The following MRPL22 variants were observed in gnomAD, a reference collection of about 807,000 sequenced individuals.
MRPL22 encodes the protein mitochondrial ribosomal protein L22.
In MRPL22, 27 loss-of-function variants were observed where a neutral mutation model predicts 32.4. The observed-to-expected ratio is 0.83, with a 90% CI of 0.61 to 1.15. The LOEUF (loss-of-function observed/expected upper bound fraction) is 1.15. MRPL22 is among the 50% of genes most tolerant of loss of function. MRPL22 has a pLI of 0.00. For synonymous variants in MRPL22, 86 were observed against 87.3 expected, an observed-to-expected ratio of 0.99 and a Z score of 0.08; for missense variants, 239 against 260.2, an observed-to-expected ratio of 0.92 and a Z score of 0.56.
chr5:154,945,386 G>T (rs1764476002), intron 2 of MRPL22, among the ~76,000 whole-genome samples: 1 of 152,190 alleles, frequency 6.6e-6, no homozygotes. Flanking sequence ...CAGAGGAGCA[G>T]GTTTGGGGAG....
At chr5:154,942,101 A>G (rs577810110) in intron 2 of MRPL22, among the ~76,000 whole-genome samples, 2 of 152,098 alleles carry the variant, frequency 1.3e-5, no homozygotes, top group Non-Finnish European at 2.9e-5. Context: ...GATTTAAAAA[A>G]TTTTTTAATT....
At chr5:154,957,065 T>C in intron 4 of MRPL22, 70 bp from the exon 5 acceptor site, 1 of 1,402,380 alleles carries the variant, frequency 7.1e-7, no homozygotes, top group Admixed American at 1.9e-5. Context: ...ATGTAAGACT[T>C]TCATTGAAAA....
intron 3 of MRPL22, 78 bp from the exon 4 acceptor site, chr5:154,956,293 A>ATT: frequency 1.1e-6 from 1 of 943,460 alleles, no homozygotes; most frequent in Middle Eastern, 2.2e-4. Flanking sequence ...AAAAACTTAA[A>ATT]TAACAGTATA....
intron 2 of MRPL22, among the ~76,000 whole-genome samples, chr5:154,948,209 CT>C (rs1561738531): frequency 1.3e-5 from 2 of 152,074 alleles, no homozygotes; most frequent in African/African-American, 4.8e-5. Context: ...ATAACCTGTA[CT>C]CTCCCTCATC....
intron 6 of MRPL22, among the ~76,000 whole-genome samples, chr5:154,960,316 G>T (rs376877921): frequency 3.3e-5 from 5 of 152,158 alleles, no homozygotes; most frequent in Admixed American, 2.6e-4. Context: ...CCAAGACTGG[G>T]GTACATAGAG....
rs542714033 is a variant in MRPL22, at chr5:154,968,174, G to C, written c.*1277G>C. 6.6e-6 allele frequency: 1 copy of C among 152,328 alleles called. No individual in the cohort carries two copies. Among genetic ancestry groups the C allele is most frequent in the African/African-American group, 2.4e-5 (1 of 41,568 alleles). 9.4% of individuals were successfully genotyped at this position (152,328 alleles called of 1,614,324 possible). ...CACAGCATGTAAATATTGGGGCTATGATTGAAAGGTTTCTAAAGTAGCTGG... is the reference window on the plus strand; with the variant it reads ...CACAGCATGTAAATATTGGGGCTATCATTGAAAGGTTTCTAAAGTAGCTGG... On this transcript the variant is annotated 3_prime_UTR_variant, in exon 7 of 7. Coordinates refer to ENST00000523037, the MANE Select transcript of MRPL22 (RefSeq NM_014180.4).
chr5:154,952,430 T>G (rs1764576027), intron 3 of MRPL22, among the ~76,000 whole-genome samples: 2 of 152,212 alleles, frequency 1.3e-5, no homozygotes, highest in Non-Finnish European at 2.9e-5. Flanking sequence ...CTATTTTGAT[T>G]AACTTTTTTG....
In MRPL22 at chr5:154,950,874, A is replaced by G; in HGVS notation, c.131A>G (p.Lys44Arg). ...HTSASLDISR[K>R]WEKKNKIVYP... ...AGTGCTTCTCTTGACATTTCTCGAAAATGGGAGAAGAAGAATAAAATTGTT... is the reference window on the plus strand; with the variant it reads ...AGTGCTTCTCTTGACATTTCTCGAAGATGGGAGAAGAAGAATAAAATTGTT... The change falls in exon 3 of 7, where the codon AAA becomes AGA. Residue 44 changes from lysine to arginine, a missense_variant. Coordinates refer to ENST00000523037, the MANE Select transcript of MRPL22 (RefSeq NM_014180.4). 6.2e-7 allele frequency: 1 copy of G among 1,613,910 alleles called. No individual in the cohort carries two copies. Among genetic ancestry groups the G allele is most frequent in the Non-Finnish European group, 8.5e-7 (1 of 1,179,816 alleles).
At chr5:154,962,515 A>G (rs1001341916) in intron 6 of MRPL22, among the ~76,000 whole-genome samples, 3 of 152,194 alleles carry the variant, frequency 2.0e-5, no homozygotes, top group East Asian at 1.9e-4. Flanking sequence ...TGGTTCAGCA[A>G]TGGTTCTTTC....
Position 154,956,396 on chromosome 5 carries a change from T to C in MRPL22, c.221T>C (p.Ile74Thr). ...GAAATCTACCACTGTCGAAGACAAA[T>C]AAAATATAGCAAAGACAAGATGTGG... ...PAEIYHCRRQIKYSKDKMWYL... is the reference protein window; with the variant it reads ...PAEIYHCRRQTKYSKDKMWYL... Residue 74 changes from isoleucine to threonine, a missense_variant, in exon 4 of 7, where the codon ATA becomes ACA. Transcript: ENST00000523037. 1 of 1,610,566 alleles carries C rather than the reference T, an allele frequency of 6.2e-7. No homozygotes were observed. Among genetic ancestry groups the C allele is most frequent in the South Asian group, 1.1e-5 (1 of 90,714 alleles).
chr5:154,954,259 G>A lies in MRPL22; in HGVS notation c.196-2112G>A, dbSNP rs1764603223. On this transcript the variant is annotated intron_variant, in intron 3 of 6. Coordinates refer to ENST00000523037, the MANE Select transcript of MRPL22 (RefSeq NM_014180.4). The stretch of plus-strand genomic sequence containing the variant: ...CCTGCCTCGGCCTCCCAAAGTGCTG[G>A]GATTACAGGCATGAGCCACAGCGCC... Among the ~76,000 whole-genome samples the A allele has an allele frequency of 3.3e-5, 5 of 152,198 alleles. No homozygotes were observed. In the South Asian group the frequency reaches 6.2e-4, roughly 19 times the overall value.
At chr5:154,960,445 C>T (rs1463955235) in intron 6 of MRPL22, among the ~76,000 whole-genome samples, 1 of 151,996 alleles carries the variant, frequency 6.6e-6, no homozygotes, top group African/African-American at 2.4e-5. Context: ...TATAATGTGC[C>T]AAGCCAGATG....
Position 154,968,472 on chromosome 5 carries a change from G to A in MRPL22, c.*1575G>A, listed in dbSNP as rs891635103. On this transcript the variant is annotated 3_prime_UTR_variant, in exon 7 of 7. Transcript: ENST00000523037. ...TCCATTTCATTCATTTATGAAACAA[G>A]AGACTCAATGTTCTCTGTAGAAAAC... 3.3e-5 allele frequency: 5 copies of A among 152,210 alleles called. No individual in the cohort carries two copies. Among genetic ancestry groups the A allele is most frequent in the African/African-American group, 1.2e-4 (5 of 41,452 alleles). The allele number at this position is 152,210 out of a possible 1,614,324, so 9.4% of individuals were successfully genotyped here.
rs145681843 is a variant in MRPL22, at chr5:154,941,137, G to A, written c.27G>A (p.Leu9=). The A allele has an allele frequency of 5.8e-4, 932 of 1,614,086 alleles. No individual in the cohort carries two copies. Among genetic ancestry groups the A allele is most frequent in the Non-Finnish European group, 7.3e-4 (864 of 1,180,018 alleles). ...TGGCGGCGGCAGTACTGGGACAGTT[G>A]GGTAAGGATTTCTTAGTGGTTAAGC... MAAAVLGQ[L]GALWIHNLRS... The change falls in exon 1 of 7, where the codon TTG becomes TTA. Residue 9 remains leucine (L), a splice_region_variant and synonymous_variant. Coordinates refer to ENST00000523037, the MANE Select transcript of MRPL22 (RefSeq NM_014180.4).
chr5:154,950,704 T>C (rs995678567), intron 2 of MRPL22, 117 bp from the exon 3 acceptor site: 8 of 750,556 alleles, frequency 1.1e-5, no homozygotes, highest in Non-Finnish European at 1.6e-5. Flanking sequence ...ATATTTCCAG[T>C]TGTGATCCTT....
chr5:154,956,475 A>AG (rs1764632508), intron 4 of MRPL22, 39 bp downstream of exon 4: 2 of 1,438,354 alleles, frequency 1.4e-6, no homozygotes, highest in African/African-American at 2.9e-5. Context: ...TTAATAATTT[A>AG]GGAAAGAAGC....
At chr5:154,952,402 G>A (rs12109958) in intron 3 of MRPL22, among the ~76,000 whole-genome samples, 1,590 of 152,244 alleles carry the variant, frequency 0.01, 32 homozygotes, top group African/African-American at 0.036. Context: ...AATTTGTTGT[G>A]TGTTATATTT....
intron 5 of MRPL22, chr5:154,958,984 T>C (rs1228509314): frequency 2.0e-5 from 3 of 152,222 alleles, no homozygotes; most frequent in Non-Finnish European, 4.4e-5. Flanking sequence ...TGTTAATGGT[T>C]ATTTGCATCC....
chr5:154,953,681 CTTTTTTTTTTTTT>C (rs772873962), intron 3 of MRPL22, among the ~76,000 whole-genome samples: 1 of 107,098 alleles, frequency 9.3e-6, no homozygotes. Context: ...CTAGTAAGAA[CTTTTTTTTTTTTT>C]TTTTTTTTTT....
Sources: allele counts gnomAD v4.1 joint callset (sites outside exome capture counted in the v4.1 genomes callset), GRCh38; gene constraint gnomAD v4.1.1; transcripts MANE v1.5; gene names NCBI Gene and HGNC (gene_info 2026-07-23, HGNC 2026-07-21).